Variants in GALNT12 observed in about 807,000 individuals in gnomAD.
GALNT12 encodes polypeptide N-acetylgalactosaminyltransferase 12.
GALNT12 carries 45 observed loss-of-function variants against 55.5 expected under a neutral mutation model. The ratio of observed to expected loss-of-function variants is 0.81; its 90% CI spans 0.64 to 1.04. GALNT12 has a LOEUF of 1.04. Among genes scored for constraint, GALNT12 ranks in the 50% least tolerant of loss-of-function variants. GALNT12 has a pLI of 0.00. For missense variants in GALNT12, 709 were observed against 754.8 expected, an observed-to-expected ratio of 0.94 and a Z score of 0.71; for synonymous variants, 304 against 312.2, an observed-to-expected ratio of 0.97 and a Z score of 0.28.
Position 98,836,457 on chromosome 9 carries a change from A to C in GALNT12, c.1036-515A>C, listed in dbSNP as rs77672872. On this transcript the variant is annotated intron_variant, in intron 5 of 9. Coordinates refer to ENST00000375011, the MANE Select transcript of GALNT12 (RefSeq NM_024642.5). The stretch of plus-strand genomic sequence containing the variant: ...GGAAAATGAGATATTCAAGGCTGTC[A>C]GTCCCAGTGTGAGATGGGCTCAGAT... Among the ~76,000 whole-genome samples, 1,490 of 152,318 alleles carry C rather than the reference A, an allele frequency of 9.8e-3. 31 individuals are homozygous for C. Among genetic ancestry groups the C allele is most frequent in the African/African-American group, 0.034 (1,426 of 41,562 alleles).
Position 98,823,397 on chromosome 9 carries a change from G to A in GALNT12, c.513G>A (p.Val171=). 6.2e-7 allele frequency: 1 copy of A among 1,614,190 alleles called. No individual in the cohort carries two copies. Among genetic ancestry groups the A allele is most frequent in the South Asian group, 1.1e-5 (1 of 91,082 alleles). ...ETSPDILLEE[V]ILVDDYSDRE... ...CCCCGGATATCCTGCTAGAAGAAGT[G>A]ATCCTTGTAGATGACTACAGTGATA... Residue 171 remains valine, a synonymous_variant, in exon 2 of 10, where the codon GTG becomes GTA. Transcript: ENST00000375011.
intron 2 of GALNT12, 75 bp from the exon 3 acceptor site, chr9:98,826,677 G>T: frequency 6.9e-7 from 1 of 1,452,946 alleles, no homozygotes; most frequent in Non-Finnish European, 9.4e-7. Context: ...GGGAGGCCCA[G>T]AAGGCCCCGG....
chr9:98,812,825 T>C (rs1835523404), intron 1 of GALNT12, among the ~76,000 whole-genome samples: 1 of 152,220 alleles, frequency 6.6e-6, no homozygotes, highest in South Asian at 2.1e-4. Flanking sequence ...AGTTATATTA[T>C]CTATTTCTAA....
At position 98,815,871 on chromosome 9, in the gene GALNT12, A is replaced by G. The variant is rs188845862; in HGVS notation, c.372-7385A>G. ...CACGTTGTTGTTTCTAGAATTGGCT[A>G]TCTGTAGATTTCTATCCTGCCTTTT... On this transcript the variant is annotated intron_variant, in intron 1 of 9. Transcript: ENST00000375011. Among the ~76,000 whole-genome samples the G allele has an allele frequency of 7.9e-4, 120 of 152,362 alleles. No homozygotes were observed. The East Asian group carries it at 9.1e-3, about 12-fold the overall frequency.
intron 1 of GALNT12, among the ~76,000 whole-genome samples, chr9:98,822,208 A>G (rs1432004587): frequency 2.0e-5 from 3 of 152,210 alleles, no homozygotes; most frequent in Non-Finnish European, 2.9e-5. Context: ...TTGAGTATCT[A>G]GCTGATCTCT....
At chr9:98,848,320 C>T (rs2118518143) in intron 9 of GALNT12, among the ~76,000 whole-genome samples, 1 of 152,040 alleles carries the variant, frequency 6.6e-6, no homozygotes, top group East Asian at 1.9e-4. Context: ...AACAGAGAGG[C>T]AGAGGGAAAA....
At chr9:98,838,739 A>C (rs1208174427) in intron 6 of GALNT12, among the ~76,000 whole-genome samples, 3 of 152,138 alleles carry the variant, frequency 2.0e-5, no homozygotes, top group Non-Finnish European at 4.4e-5. Flanking sequence ...TTGGCAATAC[A>C]AGAAGGTCTT....
chr9:98,841,657 A>G (rs1222816679), intron 7 of GALNT12, among the ~76,000 whole-genome samples: 2 of 152,128 alleles, frequency 1.3e-5, no homozygotes, highest in African/African-American at 4.8e-5. Context: ...TCATACAGAA[A>G]AGGCACGACA....
intron 1 of GALNT12, among the ~76,000 whole-genome samples, chr9:98,814,178 A>G (rs1431052004): frequency 2.0e-5 from 3 of 152,076 alleles, no homozygotes; most frequent in African/African-American, 7.2e-5. Context: ...CTCTGTGTGT[A>G]TATGCATGTG....
intron 9 of GALNT12, chr9:98,847,186 A>T (rs1415921445): frequency 1.3e-5 from 2 of 152,196 alleles, no homozygotes; most frequent in East Asian, 3.8e-4. Flanking sequence ...AAAGAAAAAA[A>T]TTCATTGTTT....
chr9:98,830,615 C>T (rs546736384), intron 3 of GALNT12, among the ~76,000 whole-genome samples: 1 of 152,374 alleles, frequency 6.6e-6, no homozygotes, highest in African/African-American at 2.4e-5. Context: ...CAGGGGCCAG[C>T]TAGAACTTGC....
intron 8 of GALNT12, among the ~76,000 whole-genome samples, chr9:98,845,158 T>G (rs1836382949): frequency 6.6e-6 from 1 of 152,254 alleles, no homozygotes; most frequent in Admixed American, 6.5e-5. Flanking sequence ...ACCATCAGCA[T>G]CATCTGGGAG....
intron 1 of GALNT12, among the ~76,000 whole-genome samples, chr9:98,811,756 C>T (rs1384446641): frequency 6.8e-6 from 1 of 146,756 alleles, no homozygotes; most frequent in African/African-American, 2.5e-5. Flanking sequence ...GATCTTGGCT[C>T]ACTGCAACCT....
chr9:98,832,789 A>G (rs1315764282), intron 4 of GALNT12, among the ~76,000 whole-genome samples: 1 of 152,170 alleles, frequency 6.6e-6, no homozygotes, highest in Non-Finnish European at 1.5e-5. Context: ...CAAGTTTCCT[A>G]GAGAACATCA....
intron 9 of GALNT12, chr9:98,848,623 G>C (rs1588461063): frequency 5.4e-6 from 2 of 373,134 alleles, no homozygotes; most frequent in South Asian, 4.7e-5. Context: ...GTTGACCTAA[G>C]AGGAGTGAAA....
chr9:98,808,566 G>A (rs985843452), intron 1 of GALNT12, among the ~76,000 whole-genome samples: 3 of 152,200 alleles, frequency 2.0e-5, no homozygotes, highest in Non-Finnish European at 2.9e-5. Context: ...CCCCCTCAGC[G>A]CTAGAAAGCC....
rs1836491232 is a variant in GALNT12, at chr9:98,849,105, C to G, written c.*13C>G. On this transcript the variant is annotated 3_prime_UTR_variant, in exon 10 of 10. Transcript: ENST00000375011. ...GCGCATGTTATGAAGCCTCGTGTAT[C>G]AAGGAGCCCATCGAAGGAGACTGTG... 1 of 1,614,036 alleles carries G rather than the reference C, an allele frequency of 6.2e-7. No individual in the cohort carries two copies. The highest frequency in any genetic ancestry group is 8.5e-7 in the Non-Finnish European group (1 of 1,179,918).
chr9:98,838,322 A>G (rs1257513831), intron 6 of GALNT12, among the ~76,000 whole-genome samples: 1 of 152,136 alleles, frequency 6.6e-6, no homozygotes, highest in Non-Finnish European at 1.5e-5. Flanking sequence ...ACAGATGTCT[A>G]TCTTCCTCCC....
chr9:98,836,962 C>G lies in GALNT12; in HGVS notation c.1036-10C>G. The G allele has an allele frequency of 1.2e-6, 2 of 1,614,082 alleles. No homozygotes were observed. The highest frequency in any genetic ancestry group is 1.7e-6 in the Non-Finnish European group (2 of 1,180,026). On this transcript the variant is annotated splice_polypyrimidine_tract_variant and intron_variant, in intron 5 of 9. Transcript: ENST00000375011. Reference sequence around the variant, plus strand: ...CTCACCACCTGGCCTCTCCTTTTCTCTGTGTGCAGATCTGGCAGTGTGGTG... The same window carrying G: ...CTCACCACCTGGCCTCTCCTTTTCTGTGTGTGCAGATCTGGCAGTGTGGTG...
Sources: gnomAD v4.1 joint callset for allele counts (sites outside exome capture counted in the v4.1 genomes callset) on GRCh38, gnomAD v4.1.1 for gene constraint, MANE v1.5 for transcripts, NCBI Gene and HGNC (gene_info 2026-07-23, HGNC 2026-07-21) for gene names.